ANK2: variants seen among roughly 807,000 people sequenced by gnomAD.
ANK2 encodes the protein ankyrin 2, also known as ankyrin-2.
Under a neutral mutation model 360.5 loss-of-function variants are expected in ANK2, and 83 were observed. The observed-to-expected ratio is 0.23, with a 90% confidence interval of 0.19 to 0.28. ANK2 has a LOEUF of 0.28. ANK2 is among the 10% of genes least tolerant of loss of function. The pLI, the probability that ANK2 is intolerant of heterozygous loss-of-function variation, is 1.00. For missense variants in ANK2, 4,201 were observed against 4,795.7 expected (o/e 0.88, Z 3.66); for synonymous variants, 1,740 against 1,759.5 (o/e 0.99, Z 0.28).
At chr4:112,889,530 TA>T (rs2079357860) in intron 1 of ANK2, among the ~76,000 whole-genome samples, 1 of 152,080 alleles carries the variant, frequency 6.6e-6, no homozygotes, top group Admixed American at 6.6e-5. Context: ...GATGCTTTTT[TA>T]AAAATTTAGA....
the ANK2 span, among the ~76,000 whole-genome samples, chr4:112,733,837 T>A: frequency 1.4e-4 from 22 of 152,326 alleles, no homozygotes; most frequent in East Asian, 4.2e-3. Flanking sequence ...TGCAATGATG[T>A]GATCTCAACT....
At position 113,150,930 on chromosome 4, in the gene ANK2, T is replaced by C. The variant is rs371754305; in HGVS notation, c.85-23486T>C. 13 of 498,672 alleles carry C rather than the reference T, an allele frequency of 2.6e-5. No individual in the cohort carries two copies. The East Asian group carries it at 8.5e-4, about 32-fold the overall frequency. 30.9% of individuals were successfully genotyped at this position (498,672 alleles called of 1,614,324 possible). On this transcript the variant is annotated intron_variant, in intron 1 of 45. Transcript: ENST00000357077. ...GGCTGTTTTAGGAGAATCAATTAGG[T>C]TGTAGTCTGCATATCATAAGCTCTA...
At chr4:112,754,517 T>G in the ANK2 span, among the ~76,000 whole-genome samples, 477 of 147,806 alleles carry the variant, frequency 3.2e-3, no homozygotes, top group African/African-American at 6.7e-3. Context: ...TTTTTTTTTT[T>G]GGGGGGGCGT....
chr4:113,320,428 C>T (rs991778227), intron 26 of ANK2, among the ~76,000 whole-genome samples: 11 of 152,126 alleles, frequency 7.2e-5, no homozygotes, highest in South Asian at 2.1e-4. Context: ...ACGAGGTGGA[C>T]GGATCATGAG....
chr4:113,215,416 G>T (rs1585062373), intron 4 of ANK2, among the ~76,000 whole-genome samples: 1 of 152,140 alleles, frequency 6.6e-6, no homozygotes, highest in Non-Finnish European at 1.5e-5. Context: ...CTAATCATTA[G>T]ATATATTTGT....
At chr4:112,726,537 A>C in the ANK2 span, among the ~76,000 whole-genome samples, 97 of 151,760 alleles carry the variant, frequency 6.4e-4, no homozygotes, top group African/African-American at 2.3e-3. Flanking sequence ...CAAAATTTTC[A>C]AGTTGCAGAA....
At chr4:112,827,885 TA>T (rs2058745036) in intron 1 of ANK2, among the ~76,000 whole-genome samples, 2 of 152,044 alleles carry the variant, frequency 1.3e-5, no homozygotes, top group African/African-American at 4.8e-5. Flanking sequence ...TCATAAGGAA[TA>T]AAAAAAGAGG....
chr4:113,009,635 G>T (rs980536684), intron 2 of ANK2, among the ~76,000 whole-genome samples: 1 of 151,934 alleles, frequency 6.6e-6, no homozygotes, highest in Non-Finnish European at 1.5e-5. Context: ...ACTTCAGCTG[G>T]GTCAGAGGAC....
chr4:113,113,848 A>G (rs1322085200), intron 1 of ANK2, among the ~76,000 whole-genome samples: 2 of 152,186 alleles, frequency 1.3e-5, no homozygotes, highest in African/African-American at 4.8e-5. Context: ...TAGAAATCAT[A>G]GTTAAGTTTG....
At position 113,283,607 on chromosome 4, in the gene ANK2, C is replaced by G. The variant is rs544568522; in HGVS notation, c.2079+735C>G. Among the ~76,000 whole-genome samples the G allele has an allele frequency of 1.3e-5, 2 of 152,136 alleles. 1 individual carries two copies. Among genetic ancestry groups the G allele is most frequent in the South Asian group, 4.2e-4 (2 of 4,816 alleles). On this transcript the variant is annotated intron_variant, in intron 18 of 45. Coordinates refer to ENST00000357077, the MANE Select transcript of ANK2 (RefSeq NM_001148.6). The stretch of plus-strand genomic sequence containing the variant: ...AATATATATTTTTACAAGTATATGT[C>G]TTTTGATACATCTATCCATCCATCT...
chr4:113,283,011 G>A (rs2062995552), intron 18 of ANK2, 139 bp downstream of exon 18: 2 of 959,900 alleles, frequency 2.1e-6, no homozygotes, highest in Admixed American at 2.0e-5. Context: ...GGACAGGAAG[G>A]GAGTCAAGCC....
intron 2 of ANK2, among the ~76,000 whole-genome samples, chr4:112,970,157 T>C (rs2038969350): frequency 6.6e-6 from 1 of 151,636 alleles, no homozygotes; most frequent in African/African-American, 2.4e-5. Flanking sequence ...TTAATTTTTT[T>C]GTATTTTTAG....
chr4:113,307,721 A>G (rs1390040181), intron 23 of ANK2, among the ~76,000 whole-genome samples: 1 of 152,130 alleles, frequency 6.6e-6, no homozygotes, highest in Non-Finnish European at 1.5e-5. Context: ...ACTTTAAGTT[A>G]TTCCCATGCT....
intron 1 of ANK2, among the ~76,000 whole-genome samples, chr4:112,822,043 C>T (rs1188005258): frequency 2.0e-5 from 3 of 152,110 alleles, no homozygotes; most frequent in African/African-American, 7.2e-5. Context: ...GCTGGGATTA[C>T]AGGCATGAGC....
At chr4:113,248,091 C>T (rs1456921087) in intron 9 of ANK2, among the ~76,000 whole-genome samples, 1 of 152,110 alleles carries the variant, frequency 6.6e-6, no homozygotes, top group Non-Finnish European at 1.5e-5. Flanking sequence ...TTCTTAGGTA[C>T]CCAAAACTGC....
intron 2 of ANK2, among the ~76,000 whole-genome samples, chr4:112,936,343 A>G (rs2093712419): frequency 6.6e-6 from 1 of 151,268 alleles, no homozygotes; most frequent in Non-Finnish European, 1.5e-5. Flanking sequence ...TTTTCTAATC[A>G]TTATCCTTTT....
chr4:113,184,563 G>A (rs994804964), intron 2 of ANK2, among the ~76,000 whole-genome samples: 3 of 152,130 alleles, frequency 2.0e-5, no homozygotes, highest in Non-Finnish European at 4.4e-5. Context: ...TGTGTGAGAT[G>A]AGGTGAAGCT....
intron 4 of ANK2, among the ~76,000 whole-genome samples, chr4:113,220,426 C>T (rs939399224): frequency 6.6e-6 from 1 of 152,156 alleles, no homozygotes; most frequent in Non-Finnish European, 1.5e-5. Flanking sequence ...CCTGGGTAGG[C>T]ACCTACAAAT....
intron 4 of ANK2, among the ~76,000 whole-genome samples, chr4:113,207,686 C>CAAAAA (rs34818513): frequency 4.5e-3 from 453 of 101,420 alleles, no homozygotes; most frequent in Non-Finnish European, 6.5e-3. Context: ...GATCACAAAG[C>CAAAAA]AAAAAAAAAA....
Sources: allele counts gnomAD v4.1 joint callset (sites outside exome capture counted in the v4.1 genomes callset), GRCh38; gene constraint gnomAD v4.1.1; transcripts MANE v1.5; gene names NCBI Gene and HGNC (gene_info 2026-07-23, HGNC 2026-07-21).